EML4: variants seen among roughly 807,000 people sequenced by gnomAD.
EML4 encodes EMAP like 4.
In EML4, 72 loss-of-function variants were observed where a neutral mutation model predicts 129.0. The observed-to-expected ratio is 0.56, with a 90% confidence interval of 0.46 to 0.68. The LOEUF (loss-of-function observed/expected upper bound fraction) is 0.68, where lower values mean the gene tolerates loss of function less well. Ranked by LOEUF, EML4 falls within the 30% of genes least tolerant of loss-of-function variation. The pLI is 0.00. For synonymous variants in EML4, 532 were observed against 405.0 expected, an observed-to-expected ratio of 1.31 and a Z score of -3.77; for missense variants, 1,363 against 1,190.6, an observed-to-expected ratio of 1.14 and a Z score of -2.13.
intron 1 of EML4, among the ~76,000 whole-genome samples, chr2:42,227,716 G>A (rs1215384924): frequency 1.3e-5 from 2 of 152,242 alleles, no homozygotes; most frequent in African/African-American, 4.8e-5. Context: ...TGCCTATGCA[G>A]CATGAAAACA....
At chr2:42,196,593 TGG>T (rs1671908439) in intron 1 of EML4, among the ~76,000 whole-genome samples, 1 of 152,208 alleles carries the variant, frequency 6.6e-6, no homozygotes, top group Admixed American at 6.5e-5. Context: ...ATCTGGCAGC[TGG>T]CGAGAAGATT....
Position 42,329,421 on chromosome 2 carries a change from A to G in EML4, c.2473-313A>G, listed in dbSNP as rs941778719. Among the ~76,000 whole-genome samples the G allele has an allele frequency of 2.0e-5, 3 of 152,362 alleles. No individual in the cohort carries two copies. In the East Asian group the frequency reaches 5.8e-4, roughly 29 times the overall value. ...TAGTAAATGTTCCCCTAACCATTTC[A>G]GAAGAATAATTACTAAGCTCTGGCA... On this transcript the variant is annotated intron_variant, in intron 22 of 22. Transcript: ENST00000318522.
intron 2 of EML4, among the ~76,000 whole-genome samples, chr2:42,251,038 G>C (rs1675734761): frequency 6.6e-6 from 1 of 152,178 alleles, no homozygotes; most frequent in Non-Finnish European, 1.5e-5. Flanking sequence ...ACAGGAGGCT[G>C]AGCTCAGGTG....
intron 6 of EML4, among the ~76,000 whole-genome samples, chr2:42,267,967 AT>A (rs1666157244): frequency 6.6e-6 from 1 of 152,184 alleles, no homozygotes; most frequent in African/African-American, 2.4e-5. Context: ...TGAGTTACTG[AT>A]TTTAAAAAAT....
intron 20 of EML4, 112 bp from the exon 21 acceptor site, chr2:42,326,042 C>T (rs1669794498): frequency 4.4e-6 from 6 of 1,364,970 alleles, no homozygotes; most frequent in Admixed American, 2.7e-5. Context: ...TAATGTTTTT[C>T]AGTGTATGGA....
chr2:42,208,364 T>G (rs148406691), intron 1 of EML4, among the ~76,000 whole-genome samples: 1,650 of 151,616 alleles, frequency 0.011, 31 homozygotes, highest in African/African-American at 0.038. Context: ...TATTAAAAAA[T>G]TTTTATTTTA....
chr2:42,286,696 C>CA (rs1667327104), intron 10 of EML4, among the ~76,000 whole-genome samples: 1 of 152,174 alleles, frequency 6.6e-6, no homozygotes, highest in African/African-American at 2.4e-5. Flanking sequence ...TTCAGACAAG[C>CA]AATAGGATGC....
chr2:42,292,794 A>G (rs1205944157), intron 11 of EML4, among the ~76,000 whole-genome samples: 3 of 152,196 alleles, frequency 2.0e-5, no homozygotes, highest in Admixed American at 6.5e-5. Context: ...AAAAGGATAT[A>G]TCCTGTAAGG....
intron 3 of EML4, among the ~76,000 whole-genome samples, chr2:42,258,738 A>G (rs948195951): frequency 4.3e-5 from 6 of 139,134 alleles, no homozygotes; most frequent in African/African-American, 1.2e-4. Context: ...AAAAAAATTG[A>G]ACACAAAGTA....
intron 1 of EML4, among the ~76,000 whole-genome samples, chr2:42,228,573 C>T (rs1674125924): frequency 6.6e-6 from 1 of 152,080 alleles, no homozygotes; most frequent in African/African-American, 2.4e-5. Context: ...TTTTATAGGC[C>T]TACATAGTGA....
intron 1 of EML4, among the ~76,000 whole-genome samples, chr2:42,188,727 T>A (rs1358160788): frequency 6.6e-6 from 1 of 152,072 alleles, no homozygotes; most frequent in African/African-American, 2.4e-5. Context: ...AGTTTCACCA[T>A]GTTGGCCAGG....
chr2:42,326,630 C>G (rs562913733), intron 21 of EML4, among the ~76,000 whole-genome samples: 1 of 152,326 alleles, frequency 6.6e-6, no homozygotes, highest in African/African-American at 2.4e-5. Context: ...ACCTGTAATT[C>G]TAGCACTTTG....
At chr2:42,279,755 T>A (rs183946050) in intron 6 of EML4, among the ~76,000 whole-genome samples, 1 of 150,716 alleles carries the variant, frequency 6.6e-6, no homozygotes, top group Admixed American at 6.6e-5. Context: ...ATTACAGGCG[T>A]GAGCCACCGC....
intron 1 of EML4, among the ~76,000 whole-genome samples, chr2:42,213,561 C>T (rs1203021401): frequency 6.6e-6 from 1 of 152,180 alleles, no homozygotes; most frequent in African/African-American, 2.4e-5. Flanking sequence ...CTTTCCATTG[C>T]ATACTTTTAT....
chr2:42,173,629 G>C (rs1487540180), intron 1 of EML4, among the ~76,000 whole-genome samples: 1 of 152,096 alleles, frequency 6.6e-6, no homozygotes, highest in East Asian at 1.9e-4. Context: ...TGGAAGGATC[G>C]ATTGAGCCCA....
At chr2:42,325,330 T>G (rs1312325394) in intron 19 of EML4, 137 bp from the exon 20 acceptor site, 1 of 619,636 alleles carries the variant, frequency 1.6e-6, no homozygotes, top group East Asian at 3.5e-5. Context: ...CTGCTCAGTT[T>G]TAGAGGGTGT....
At chr2:42,278,206 T>C (rs1038273875) in intron 6 of EML4, among the ~76,000 whole-genome samples, 3 of 152,210 alleles carry the variant, frequency 2.0e-5, no homozygotes, top group African/African-American at 7.2e-5. Context: ...CTGTTGTATG[T>C]AGGTCACTGG....
chr2:42,229,525 AGATAACTGTCT>A (rs889569651), intron 1 of EML4, among the ~76,000 whole-genome samples: 1 of 152,188 alleles, frequency 6.6e-6, no homozygotes, highest in Non-Finnish European at 1.5e-5. Context: ...AAAGCAAGAC[AGATAACTGTCT>A]TGCAAGAGTC....
intron 1 of EML4, among the ~76,000 whole-genome samples, chr2:42,192,982 G>A (rs1671689062): frequency 6.6e-6 from 1 of 152,182 alleles, no homozygotes; most frequent in Non-Finnish European, 1.5e-5. Flanking sequence ...TGTCAGGGAG[G>A]TGGTGGAAAC....
Sources: allele counts gnomAD v4.1 joint callset (sites outside exome capture counted in the v4.1 genomes callset), GRCh38; gene constraint gnomAD v4.1.1; transcripts MANE v1.5; gene names NCBI Gene and HGNC (gene_info 2026-07-23, HGNC 2026-07-21).